The following MFHAS1 variants were observed in gnomAD, a reference collection of about 807,000 sequenced individuals.
The protein encoded by MFHAS1 is malignant fibrous histiocytoma-amplified sequence 1.
In MFHAS1, 50 loss-of-function variants were observed where a neutral mutation model predicts 70.4. The ratio of observed to expected loss-of-function variants is 0.71; its 90% CI spans 0.57 to 0.90. MFHAS1 has a LOEUF of 0.90. MFHAS1 is among the 40% of genes least tolerant of loss of function. The pLI is 0.00. For synonymous variants in MFHAS1, 952 were observed against 620.0 expected, an observed-to-expected ratio of 1.54 and a Z score of -7.96; for missense variants, 1,795 against 1,347.6, an observed-to-expected ratio of 1.33 and a Z score of -5.20.
chr8:8,872,526 G>C (rs1809117263), intron 1 of MFHAS1, among the ~76,000 whole-genome samples: 1 of 152,094 alleles, frequency 6.6e-6, no homozygotes, highest in African/African-American at 2.4e-5. Flanking sequence ...TATCAGCCCT[G>C]GTAATCAACA....
intron 1 of MFHAS1, among the ~76,000 whole-genome samples, chr8:8,847,269 C>T (rs1808070940): frequency 6.6e-6 from 1 of 152,144 alleles, no homozygotes; most frequent in Non-Finnish European, 1.5e-5. Context: ...GCAACCTCCA[C>T]CTCCCAGGTT....
At chr8:8,793,221 C>T (rs1563176024) in intron 2 of MFHAS1, among the ~76,000 whole-genome samples, 1 of 152,042 alleles carries the variant, frequency 6.6e-6, no homozygotes, top group Non-Finnish European at 1.5e-5. Context: ...CTGTCTCTCC[C>T]CATGGGGGAA....
At chr8:8,848,193 A>T (rs1211542980) in intron 1 of MFHAS1, among the ~76,000 whole-genome samples, 1 of 152,122 alleles carries the variant, frequency 6.6e-6, no homozygotes, top group Non-Finnish European at 1.5e-5. Flanking sequence ...TCCACCTGAC[A>T]CCACAGGGTT....
intron 1 of MFHAS1, among the ~76,000 whole-genome samples, chr8:8,826,652 G>A (rs940600628): frequency 6.6e-6 from 1 of 152,190 alleles, no homozygotes; most frequent in East Asian, 1.9e-4. Flanking sequence ...ACAATCGCTT[G>A]AACCCAGAAG....
At chr8:8,840,790 C>G (rs768331111) in intron 1 of MFHAS1, among the ~76,000 whole-genome samples, 4 of 152,174 alleles carry the variant, frequency 2.6e-5, no homozygotes, top group Non-Finnish European at 5.9e-5. Flanking sequence ...GATGCCTAAC[C>G]TAGTGATTTG....
intron 1 of MFHAS1, among the ~76,000 whole-genome samples, chr8:8,823,074 T>C (rs1200475801): frequency 2.6e-5 from 4 of 152,102 alleles, no homozygotes; most frequent in African/African-American, 7.2e-5. Context: ...CATACAGAGA[T>C]TCTCTTCCCC....
Position 8,784,532 on chromosome 8 carries a change from A to C in MFHAS1, c.*1490T>G, listed in dbSNP as rs938868679. The C allele has an allele frequency of 6.6e-6, 1 of 152,188 alleles. No homozygotes were observed. The highest frequency in any genetic ancestry group is 6.5e-5 in the Admixed American group (1 of 15,288). The allele number at this position is 152,188 out of a possible 1,614,324, so 9.4% of individuals were successfully genotyped here. On this transcript the variant is annotated 3_prime_UTR_variant, in exon 3 of 3. Transcript: ENST00000276282. ...GCCTGGGGCACAAAATATTCTACAA[A>C]AATCGGTTTGTGATTTCTAGCAGGG...
intron 1 of MFHAS1, among the ~76,000 whole-genome samples, chr8:8,799,799 A>G (rs1388577473): frequency 1.3e-5 from 2 of 152,250 alleles, no homozygotes; most frequent in African/African-American, 4.8e-5. Flanking sequence ...TAAATGTCTC[A>G]TCCCCCGCAA....
intron 1 of MFHAS1, among the ~76,000 whole-genome samples, chr8:8,873,570 G>C (rs553268239): frequency 5.9e-5 from 9 of 151,666 alleles, no homozygotes; most frequent in African/African-American, 2.2e-4. Context: ...AAAGAGTGTG[G>C]GTAATCTCTT....
intron 1 of MFHAS1, among the ~76,000 whole-genome samples, chr8:8,822,841 A>T (rs897243289): frequency 1.4e-5 from 2 of 146,058 alleles, no homozygotes; most frequent in Non-Finnish European, 3.0e-5. Flanking sequence ...ACACAGGGAC[A>T]GGAACCAAGT....
At chr8:8,809,602 T>C (rs1806474281) in intron 1 of MFHAS1, among the ~76,000 whole-genome samples, 1 of 152,152 alleles carries the variant, frequency 6.6e-6, no homozygotes, top group Non-Finnish European at 1.5e-5. Flanking sequence ...TTTATATAAA[T>C]ACAAATCCAC....
intron 1 of MFHAS1, among the ~76,000 whole-genome samples, chr8:8,881,268 T>C (rs750555352): frequency 1.1e-4 from 16 of 152,206 alleles, no homozygotes; most frequent in Non-Finnish European, 2.1e-4. Context: ...AAAATAAAAA[T>C]AACTCAGAAT....
Position 8,893,534 on chromosome 8 carries a change from G to A in MFHAS1, c.-476C>T, listed in dbSNP as rs943149919. ...CAGGGCTGGGGCGCAGCCGCGGGGA[G>A]GGGGCGGCGGCGCCTCCTTGTCTCC... On this transcript the variant is annotated 5_prime_UTR_variant, in exon 1 of 3. Transcript: ENST00000276282. 6.8e-6 allele frequency: 1 copy of A among 146,516 alleles called. No homozygotes were observed. Among genetic ancestry groups the A allele is most frequent in the Non-Finnish European group, 1.5e-5 (1 of 65,798 alleles). The allele number at this position is 146,516 out of a possible 1,614,324, so 9.1% of individuals were successfully genotyped here.
At chr8:8,870,343 C>T (rs1347226746) in intron 1 of MFHAS1, among the ~76,000 whole-genome samples, 2 of 150,050 alleles carry the variant, frequency 1.3e-5, no homozygotes, top group Non-Finnish European at 3.0e-5. Context: ...CACGCACCTA[C>T]AGTCTCAGCT....
At chr8:8,866,627 C>G (rs570440350) in intron 1 of MFHAS1, among the ~76,000 whole-genome samples, 1 of 152,282 alleles carries the variant, frequency 6.6e-6, no homozygotes, top group African/African-American at 2.4e-5. Flanking sequence ...CAGTAAGGAT[C>G]ACTCTTATCC....
chr8:8,838,813 A>G (rs924086576), intron 1 of MFHAS1, among the ~76,000 whole-genome samples: 25 of 149,122 alleles, frequency 1.7e-4, no homozygotes, highest in African/African-American at 2.5e-5. Context: ...CCCTGCCTCA[A>G]AAAAAAAAAA....
intron 1 of MFHAS1, among the ~76,000 whole-genome samples, chr8:8,810,438 T>G (rs1806504026): frequency 6.6e-6 from 1 of 152,112 alleles, no homozygotes; most frequent in Non-Finnish European, 1.5e-5. Context: ...GCAGGTCCAT[T>G]TACAGGAAAT....
At chr8:8,884,661 A>C (rs73192214) in intron 1 of MFHAS1, among the ~76,000 whole-genome samples, 158 of 152,296 alleles carry the variant, frequency 1.0e-3, no homozygotes, top group Non-Finnish European at 1.7e-3. Context: ...TGTGAATAAC[A>C]AAGAAAAAGA....
At chr8:8,846,949 A>G (rs1808059433) in intron 1 of MFHAS1, among the ~76,000 whole-genome samples, 1 of 152,220 alleles carries the variant, frequency 6.6e-6, no homozygotes, top group Non-Finnish European at 1.5e-5. Flanking sequence ...GAATGAAGGA[A>G]TAAACTTATT....
Sources: gnomAD v4.1 joint callset for allele counts (sites outside exome capture counted in the v4.1 genomes callset) on GRCh38, gnomAD v4.1.1 for gene constraint, MANE v1.5 for transcripts, NCBI Gene and HGNC (gene_info 2026-07-23, HGNC 2026-07-21) for gene names.